ALDH1A2: variants seen among roughly 807,000 people sequenced by gnomAD.
ALDH1A2 encodes the protein aldehyde dehydrogenase 1 family member A2.
Under a neutral mutation model 60.3 loss-of-function variants are expected in ALDH1A2, and 27 were observed. The ratio of observed to expected loss-of-function variants is 0.45; its 90% confidence interval spans 0.33 to 0.62. The LOEUF (loss-of-function observed/expected upper bound fraction) is 0.62. ALDH1A2 is among the 20% of genes least tolerant of loss of function. The probability of loss-of-function intolerance (pLI) is 0.02; values close to 1 mark genes in which losing one functional copy is unlikely to be tolerated. For missense variants in ALDH1A2, 581 were observed against 643.8 expected (o/e 0.90, Z 1.06); for synonymous variants, 289 against 232.4 (o/e 1.24, Z -2.21).
intron 1 of ALDH1A2, among the ~76,000 whole-genome samples, chr15:58,040,107 A>C (rs1295826904): frequency 6.6e-6 from 1 of 151,904 alleles, no homozygotes; most frequent in African/African-American, 2.4e-5. Flanking sequence ...TTATATTCTA[A>C]TTGTATAAAA....
At chr15:58,021,905 C>T (rs1234952957) in intron 1 of ALDH1A2, among the ~76,000 whole-genome samples, 1 of 152,210 alleles carries the variant, frequency 6.6e-6, no homozygotes, top group Admixed American at 6.5e-5. Context: ...GGGGTTGCTG[C>T]AGCTGGTGCA....
intron 1 of ALDH1A2, among the ~76,000 whole-genome samples, chr15:58,062,954 G>C (rs12440500): frequency 6.6e-6 from 1 of 152,222 alleles, no homozygotes; most frequent in East Asian, 1.9e-4. Flanking sequence ...ATTTCCACTG[G>C]ACCTCTAGCA....
intron 12 of ALDH1A2, among the ~76,000 whole-genome samples, chr15:57,960,092 T>TC (rs1461573539): frequency 3.3e-5 from 5 of 152,204 alleles, no homozygotes; most frequent in African/African-American, 1.2e-4. Flanking sequence ...ACAGTGATCT[T>TC]CCCTATCCCT....
chr15:58,030,014 AG>A (rs1326054017), intron 1 of ALDH1A2, among the ~76,000 whole-genome samples: 1 of 152,214 alleles, frequency 6.6e-6, no homozygotes, highest in African/African-American at 2.4e-5. Flanking sequence ...ATAGAAAAAG[AG>A]GGAATCCTCC....
At chr15:58,028,750 TC>T (rs1230448377) in intron 1 of ALDH1A2, among the ~76,000 whole-genome samples, 1 of 152,022 alleles carries the variant, frequency 6.6e-6, no homozygotes, top group African/African-American at 2.4e-5. Flanking sequence ...GGGGTTGCAA[TC>T]CCAGTCTGAT....
intron 1 of ALDH1A2, among the ~76,000 whole-genome samples, chr15:58,030,013 G>T (rs1211470302): frequency 6.6e-6 from 1 of 152,164 alleles, no homozygotes; most frequent in Admixed American, 6.5e-5. Flanking sequence ...AATAGAAAAA[G>T]AGGGAATCCT....
At chr15:57,978,349 T>A (rs923606932) in intron 7 of ALDH1A2, among the ~76,000 whole-genome samples, 1 of 152,166 alleles carries the variant, frequency 6.6e-6, no homozygotes, top group African/African-American at 2.4e-5. Flanking sequence ...TAGCTCTAAT[T>A]GAGATATGGT....
rs539599081 is a variant in ALDH1A2, at chr15:58,017,680, C to A, written c.118-3399G>T. On this transcript the variant is annotated intron_variant, in intron 1 of 12. Transcript: ENST00000249750. Reference sequence around the variant, plus strand: ...CAGTTATTTGCATTCAAAGGCATTGCCAATTTCAGGTTACATTACCTCCAA... The same window carrying A: ...CAGTTATTTGCATTCAAAGGCATTGACAATTTCAGGTTACATTACCTCCAA... 2.2e-4 allele frequency among the ~76,000 whole-genome samples: 34 copies of A among 152,162 alleles called. 1 individual carries two copies. In the South Asian group the frequency reaches 6.4e-3, roughly 29 times the overall value.
chr15:57,999,045 T>C (rs1361138302), intron 4 of ALDH1A2, among the ~76,000 whole-genome samples: 1 of 152,054 alleles, frequency 6.6e-6, no homozygotes, highest in Non-Finnish European at 1.5e-5. Flanking sequence ...TATACAAAAA[T>C]TACCTCAAGA....
At chr15:57,987,114 A>G (rs934907352) in intron 7 of ALDH1A2, among the ~76,000 whole-genome samples, 4 of 152,234 alleles carry the variant, frequency 2.6e-5, no homozygotes, top group Non-Finnish European at 5.9e-5. Context: ...ACGAACGTCA[A>G]AGATGACAAT....
intron 1 of ALDH1A2, among the ~76,000 whole-genome samples, chr15:58,019,774 G>T (rs1238474541): frequency 2.0e-5 from 3 of 152,076 alleles, no homozygotes; most frequent in Non-Finnish European, 2.9e-5. Flanking sequence ...TAACCAAAAT[G>T]GAATGTCTGC....
At chr15:57,955,370 A>G (rs1893485144) in intron 12 of ALDH1A2, 101 bp from the exon 13 acceptor site, 5 of 1,176,600 alleles carry the variant, frequency 4.2e-6, no homozygotes, top group Non-Finnish European at 6.4e-6. Flanking sequence ...ACCTGCGAAC[A>G]GCAAGTCCTG....
At chr15:58,045,754 G>T (rs1340366533) in intron 1 of ALDH1A2, among the ~76,000 whole-genome samples, 1 of 151,892 alleles carries the variant, frequency 6.6e-6, no homozygotes, top group African/African-American at 2.4e-5. Flanking sequence ...GGGGATGGGG[G>T]GCTAAGTATG....
chr15:58,017,814 A>G (rs2140523126), intron 1 of ALDH1A2, among the ~76,000 whole-genome samples: 1 of 152,270 alleles, frequency 6.6e-6, no homozygotes, highest in East Asian at 1.9e-4. Flanking sequence ...TCATAAAAAT[A>G]AAAATAAAAA....
At chr15:57,986,867 T>G (rs1309723222) in intron 7 of ALDH1A2, among the ~76,000 whole-genome samples, 1 of 151,828 alleles carries the variant, frequency 6.6e-6, no homozygotes, top group Non-Finnish European at 1.5e-5. Context: ...GTTGGCCGGG[T>G]TGGTCTCGGA....
chr15:58,001,588 T>C (rs561921076), intron 4 of ALDH1A2, among the ~76,000 whole-genome samples: 1 of 152,006 alleles, frequency 6.6e-6, no homozygotes, highest in Admixed American at 6.6e-5. Flanking sequence ...AGATGATACA[T>C]AATGAGTACT....
At chr15:57,980,386 G>T in intron 7 of ALDH1A2, 1 of 370,268 alleles carries the variant, frequency 2.7e-6, no homozygotes, top group Non-Finnish European at 5.4e-6. Context: ...AGTTGGAGAG[G>T]TTTTCCAGCT....
At chr15:58,039,726 G>C (rs1200097074) in intron 1 of ALDH1A2, among the ~76,000 whole-genome samples, 2 of 151,796 alleles carry the variant, frequency 1.3e-5, no homozygotes, top group African/African-American at 2.4e-5. Context: ...GTTAGGGCTA[G>C]TTAAGTGACT....
At chr15:57,980,767 A>T (rs1894472384) in intron 7 of ALDH1A2, 2 of 153,448 alleles carry the variant, frequency 1.3e-5, no homozygotes, top group African/African-American at 2.4e-5. Context: ...TGTCTCTGCC[A>T]GGTTTTGGTA....
Sources: allele counts gnomAD v4.1 joint callset (sites outside exome capture counted in the v4.1 genomes callset), GRCh38; gene constraint gnomAD v4.1.1; transcripts MANE v1.5; gene names NCBI Gene and HGNC (gene_info 2026-07-23, HGNC 2026-07-21).